Variants in SPATS2 observed in about 807,000 individuals in gnomAD.
SPATS2 encodes spermatogenesis-associated serine-rich protein 2.
A neutral mutation model predicts 63.7 loss-of-function variants in SPATS2; 38 were observed. The ratio of observed to expected loss-of-function variants is 0.60; its 90% CI spans 0.46 to 0.78. The LOEUF is 0.78. SPATS2 is among the 30% of genes least tolerant of loss of function. SPATS2 has a pLI of 0.00. For missense variants in SPATS2, 588 were observed against 666.2 expected (o/e 0.88, Z 1.29); for synonymous variants, 207 against 232.9 (o/e 0.89, Z 1.01).
intron 9 of SPATS2, among the ~76,000 whole-genome samples, chr12:49,513,427 GA>G (rs1477275237): frequency 2.0e-5 from 3 of 152,086 alleles, no homozygotes; most frequent in Non-Finnish European, 4.4e-5. Context: ...ATATGGTAAG[GA>G]AAATTATTTT....
intron 2 of SPATS2, among the ~76,000 whole-genome samples, chr12:49,442,902 C>A (rs566482421): frequency 1.3e-5 from 2 of 150,278 alleles, no homozygotes; most frequent in Admixed American, 1.3e-4. Context: ...TAAACATCCT[C>A]ACTCTCTCCT....
intron 2 of SPATS2, among the ~76,000 whole-genome samples, chr12:49,418,822 A>G (rs79588233): frequency 1.3e-5 from 2 of 152,330 alleles, no homozygotes; most frequent in Non-Finnish European, 2.9e-5. Context: ...GCTAATTTGT[A>G]GTGCTATAAG....
chr12:49,421,230 C>A (rs1944975552), intron 2 of SPATS2, among the ~76,000 whole-genome samples: 1 of 151,800 alleles, frequency 6.6e-6, no homozygotes. Context: ...CCAGCCTGGC[C>A]AACATAGCAA....
chr12:49,482,901 G>A (rs1025102266), intron 3 of SPATS2, among the ~76,000 whole-genome samples: 4 of 151,684 alleles, frequency 2.6e-5, no homozygotes, highest in Non-Finnish European at 2.9e-5. Flanking sequence ...CTGTCTTCCC[G>A]CCTCACCCTC....
chr12:49,373,498 G>T (rs1243474683), intron 2 of SPATS2, among the ~76,000 whole-genome samples: 2 of 152,320 alleles, frequency 1.3e-5, no homozygotes, highest in East Asian at 1.9e-4. Context: ...TTTGATGTTT[G>T]TTGGGGGCTG....
intron 3 of SPATS2, among the ~76,000 whole-genome samples, chr12:49,471,424 A>G (rs1946031758): frequency 6.6e-6 from 1 of 152,184 alleles, no homozygotes; most frequent in Non-Finnish European, 1.5e-5. Context: ...GCAGCCTCAA[A>G]CATTTGAGCT....
Position 49,394,339 on chromosome 12 carries a change from CAAA to C in SPATS2, c.-244+23065_-244+23067del, listed in dbSNP as rs35693643. ...GGGGAACAGAGCAAGACCTTGTCTC[CAAA>C]AAAAAAAAAAAAAAACAGAACTAGT... On this transcript the variant is annotated intron_variant, in intron 2 of 13. Transcript: ENST00000552918. Among the ~76,000 whole-genome samples the C allele has an allele frequency of 3.0e-3, 250 of 82,012 alleles. 2 individuals are homozygous for C. Among genetic ancestry groups the C allele is most frequent in the African/African-American group, 8.6e-3 (235 of 27,192 alleles). 53.8% of individuals were successfully genotyped at this position (82,012 alleles called of 152,430 possible).
intron 2 of SPATS2, among the ~76,000 whole-genome samples, chr12:49,398,135 CAAAAAAAA>C (rs71080193): frequency 1.3e-4 from 6 of 45,394 alleles, no homozygotes; most frequent in Admixed American, 3.1e-4. Flanking sequence ...GACCCTGTCT[CAAAAAAAA>C]AAAAAAAAAA....
intron 2 of SPATS2, chr12:49,389,555 ACT>A (rs1326272848): frequency 1.0e-6 from 1 of 1,001,538 alleles, no homozygotes; most frequent in East Asian, 2.4e-5. Flanking sequence ...TGATGCTAAA[ACT>A]CTTGTTGAAA....
chr12:49,520,675 T>A (rs1303268117), intron 11 of SPATS2, among the ~76,000 whole-genome samples: 1 of 152,234 alleles, frequency 6.6e-6, no homozygotes, highest in African/African-American at 2.4e-5. Flanking sequence ...TTGAGATGTT[T>A]GTTATAATCT....
chr12:49,419,814 G>A (rs1944948548), intron 2 of SPATS2, among the ~76,000 whole-genome samples: 1 of 152,078 alleles, frequency 6.6e-6, no homozygotes, highest in African/African-American at 2.4e-5. Flanking sequence ...GTACAGATGT[G>A]GACTGGCATG....
At chr12:49,476,978 G>A (rs1005387904) in intron 3 of SPATS2, among the ~76,000 whole-genome samples, 33 of 152,180 alleles carry the variant, frequency 2.2e-4, no homozygotes, top group African/African-American at 7.9e-4. Flanking sequence ...GGTGGCACAT[G>A]CCTATAATCC....
At chr12:49,440,359 T>G (rs947711642) in intron 2 of SPATS2, among the ~76,000 whole-genome samples, 13 of 152,198 alleles carry the variant, frequency 8.5e-5, no homozygotes, top group Admixed American at 6.5e-4. Flanking sequence ...CAGCAGCCTC[T>G]TTTCTCCCGC....
At chr12:49,511,964 A>G (rs1946760941) in intron 9 of SPATS2, among the ~76,000 whole-genome samples, 1 of 152,178 alleles carries the variant, frequency 6.6e-6, no homozygotes, top group African/African-American at 2.4e-5. Flanking sequence ...TGTGTATAAT[A>G]TTTTGGTGGA....
chr12:49,516,900 AATG>A (rs1306604977), intron 10 of SPATS2, among the ~76,000 whole-genome samples: 1 of 152,122 alleles, frequency 6.6e-6, no homozygotes, highest in Non-Finnish European at 1.5e-5. Flanking sequence ...CCTGGTTCTC[AATG>A]ATATTACTCA....
At chr12:49,369,030 CTTTTTT>C (rs35158946) in intron 1 of SPATS2, among the ~76,000 whole-genome samples, 1 of 102,620 alleles carries the variant, frequency 9.7e-6, no homozygotes, top group Non-Finnish European at 1.8e-5. Context: ...CAATGTGCCT[CTTTTTT>C]TTTTTTTTTT....
In SPATS2 at chr12:49,394,269, G is replaced by T. The variant is rs369082867; in HGVS notation, c.-244+22979G>T. On this transcript the variant is annotated intron_variant, in intron 2 of 13. Transcript: ENST00000552918. ...GGGAGGGATCCCTTGAGTTTAGGAGGCAGAGGTTGCAGTGAGCTGAGATCG... is the reference window on the plus strand; with the variant it reads ...GGGAGGGATCCCTTGAGTTTAGGAGTCAGAGGTTGCAGTGAGCTGAGATCG... Among the ~76,000 whole-genome samples, 29 of 151,080 alleles carry T rather than the reference G, an allele frequency of 1.9e-4. No individual in the cohort carries two copies. The South Asian group carries it at 6.1e-3, about 32-fold the overall frequency.
intron 2 of SPATS2, among the ~76,000 whole-genome samples, chr12:49,387,643 A>G (rs1254220019): frequency 1.3e-5 from 2 of 150,892 alleles, no homozygotes; most frequent in East Asian, 1.9e-4. Flanking sequence ...TGTCTCAAAA[A>G]AAAAAAAAAA....
chr12:49,464,766 C>G (rs1407070129), intron 3 of SPATS2, among the ~76,000 whole-genome samples: 1 of 152,030 alleles, frequency 6.6e-6, no homozygotes, highest in African/African-American at 2.4e-5. Context: ...GAATTTGAGG[C>G]TACAGTGAGC....
Sources: gnomAD v4.1 joint callset for allele counts (sites outside exome capture counted in the v4.1 genomes callset) on GRCh38, gnomAD v4.1.1 for gene constraint, MANE v1.5 for transcripts, NCBI Gene and HGNC (gene_info 2026-07-23, HGNC 2026-07-21) for gene names.